Variants in SLC6A16 observed in about 807,000 individuals in gnomAD.
SLC6A16 encodes orphan sodium- and chloride-dependent neurotransmitter transporter NTT5.
A neutral mutation model predicts 65.4 loss-of-function variants in SLC6A16; 54 were observed. That is an observed-to-expected ratio of 0.83 (90% CI 0.66 to 1.04). The LOEUF (loss-of-function observed/expected upper bound fraction) is 1.04, where lower values mean the gene tolerates loss of function less well. Ranked by LOEUF, SLC6A16 falls within the 50% of genes least tolerant of loss-of-function variation. The pLI is 0.00. For synonymous variants in SLC6A16, 330 were observed against 346.5 expected (o/e 0.95, Z 0.53); for missense variants, 816 against 914.0 (o/e 0.89, Z 1.38).
In SLC6A16 at chr19:49,311,368, C is replaced by A. The variant is rs780251554; in HGVS notation, c.-21G>T. ...TTCATCTCACACAGACTCTCTGGGG[C>A]AGCTCCCGCTTCTGCAAGGGAGGGT... On this transcript the variant is annotated 5_prime_UTR_variant, in exon 2 of 12. Coordinates refer to ENST00000335875, the MANE Select transcript of SLC6A16 (RefSeq NM_014037.3). The A allele has an allele frequency of 1.3e-6, 2 of 1,537,806 alleles. No individual in the cohort carries two copies. The highest frequency in any genetic ancestry group is 2.3e-5 in the East Asian group (1 of 44,220).
At chr19:49,337,271 A>G in the SLC6A16 span, 4 of 1,559,224 alleles carry the variant, frequency 2.6e-6, no homozygotes, top group South Asian at 4.4e-5. Flanking sequence ...GAGGAGAGGG[A>G]AGGGAGTGGT....
Position 49,310,455 on chromosome 19 carries a change from G to C in SLC6A16, c.471C>G (p.Leu157=). 1 of 1,614,160 alleles carries C rather than the reference G, an allele frequency of 6.2e-7. No homozygotes were observed. The highest frequency in any genetic ancestry group is 8.5e-7 in the Non-Finnish European group (1 of 1,180,020). The change falls in exon 3 of 12, where the codon CTC becomes CTG. Residue 157 remains leucine, a synonymous_variant. Transcript: ENST00000335875. ...FMLFLVGVPL[L]FLEMAAGQSM... ...TCTGACCAGCTGCCATCTCCAGGAA[G>C]AGAAGAGGAACCCCGACCAGGAACA... is the stretch of plus-strand genomic sequence containing the variant.
chr19:49,339,829 C>T, the SLC6A16 span: 3 of 1,337,752 alleles, frequency 2.2e-6, no homozygotes, highest in Non-Finnish European at 2.9e-6. The surrounding 1 kb of genome is among the most constrained non-coding windows in gnomAD (Gnocchi z 4.5). Flanking sequence ...GGGTGCCTGC[C>T]CCAACTGGGG....
intron 7 of SLC6A16, among the ~76,000 whole-genome samples, chr19:49,295,428 C>T (rs1970168341): frequency 6.6e-6 from 1 of 151,802 alleles, no homozygotes; most frequent in Non-Finnish European, 1.5e-5. Context: ...CAATGGACAG[C>T]TTGCCAAGGT....
chr19:49,338,866 G>A, the SLC6A16 span: 1 of 1,614,130 alleles, frequency 6.2e-7, no homozygotes, highest in East Asian at 2.2e-5. The surrounding 1 kb of genome is among the most constrained non-coding windows in gnomAD (Gnocchi z 5.0). Context: ...AGCAGGCTTG[G>A]ACACCTGGCG....
intron 1 of SLC6A16, among the ~76,000 whole-genome samples, chr19:49,324,213 C>A (rs1970761549): frequency 6.6e-6 from 1 of 152,050 alleles, no homozygotes; most frequent in African/African-American, 2.4e-5. Flanking sequence ...CGCCTATAGT[C>A]CCAGCTACTT....
Position 49,317,760 on chromosome 19 carries a change from C to T in SLC6A16, c.-64-6349G>A, listed in dbSNP as rs111827504. On this transcript the variant is annotated intron_variant, in intron 1 of 11. Transcript: ENST00000335875. ...GGTGGGGCTTGCAGTGAGCAGAGAT[C>T]GCACCACTGCACTCCAGCCAGGGCA... Among the ~76,000 whole-genome samples, 1,272 of 151,238 alleles carry T rather than the reference C, an allele frequency of 8.4e-3. 17 individuals carry two copies. The highest frequency in any genetic ancestry group is 0.029 in the African/African-American group (1,186 of 41,156).
chr19:49,307,467 T>C (rs1970413696), intron 7 of SLC6A16, among the ~76,000 whole-genome samples: 1 of 151,988 alleles, frequency 6.6e-6, no homozygotes, highest in Non-Finnish European at 1.5e-5. Context: ...TCAAGAACTC[T>C]TGCACACGCA....
At chr19:49,336,587 C>G in the SLC6A16 span, 6 of 252,468 alleles carry the variant, frequency 2.4e-5, no homozygotes, top group Non-Finnish European at 4.6e-5. Flanking sequence ...TAGATATCAT[C>G]TCCTATGCCT....
chr19:49,308,812 G>T (rs772627748), intron 7 of SLC6A16, 64 bp downstream of exon 7: 14 of 1,598,816 alleles, frequency 8.8e-6, no homozygotes, highest in South Asian at 1.1e-5. Flanking sequence ...CACCTTTAAG[G>T]TTAGGGTCTC....
chr19:49,336,723 G>A, the SLC6A16 span: 1 of 591,454 alleles, frequency 1.7e-6, no homozygotes, highest in Non-Finnish European at 3.0e-6. Context: ...TCCAGGGACG[G>A]GAAACAGGCC....
At chr19:49,338,181 G>A in the SLC6A16 span, 14 of 1,443,498 alleles carry the variant, frequency 9.7e-6, no homozygotes, top group Non-Finnish European at 1.3e-5. This position sits in a 1 kb window ranked among gnomAD's most constrained non-coding sequence, Gnocchi z 5.0. Flanking sequence ...CTCCCCAGAT[G>A]ACACAACTGT....
intron 1 of SLC6A16, among the ~76,000 whole-genome samples, chr19:49,317,523 T>C (rs1970632619): frequency 6.6e-6 from 1 of 151,956 alleles, no homozygotes; most frequent in African/African-American, 2.4e-5. Flanking sequence ...ACTGTACAAA[T>C]AGGCCAGGCG....
At position 49,311,009 on chromosome 19, in the gene SLC6A16, A is replaced by G. The variant is rs949798382; in HGVS notation, c.339T>C (p.Ile113=). 3 of 1,614,208 alleles carry G rather than the reference A, an allele frequency of 1.9e-6. No homozygotes were observed. In the Admixed American group the frequency reaches 5.0e-5, roughly 27 times the overall value. ...TCATAGAGAAGCCCACCTGAGCCAG[A>G]ATATACTCAGTTTTGCTGGACCAGA... ...RPFWSSKTEY[I]LAQVGFSMKP... is the part of the protein sequence containing the mutation. The change falls in exon 2 of 12, where the codon ATT becomes ATC. Residue 113 remains isoleucine, a synonymous_variant. Coordinates refer to ENST00000335875, the MANE Select transcript of SLC6A16 (RefSeq NM_014037.3).
At chr19:49,308,691 GA>G (rs1401851523) in intron 7 of SLC6A16, 184 bp downstream of exon 7, 2 of 689,862 alleles carry the variant, frequency 2.9e-6, no homozygotes, top group Non-Finnish European at 5.0e-6. Context: ...AAGGCTCTGA[GA>G]AGGATAATAT....
chr19:49,338,805 T>C, the SLC6A16 span: 2 of 1,613,736 alleles, frequency 1.2e-6, no homozygotes, highest in Non-Finnish European at 1.7e-6. The surrounding 1 kb of genome is among the most constrained non-coding windows in gnomAD (Gnocchi z 5.0). Flanking sequence ...CTACAACTTG[T>C]CGGCGACCAA....
At chr19:49,322,846 T>C (rs1970736678) in intron 1 of SLC6A16, among the ~76,000 whole-genome samples, 1 of 130,928 alleles carries the variant, frequency 7.6e-6, no homozygotes, top group African/African-American at 2.8e-5. Context: ...TTTTTTTTTT[T>C]TTTTTTTTTT....
chr19:49,328,586 G>C (rs186328655), upstream of SLC6A16, among the ~76,000 whole-genome samples: 40 of 152,276 alleles, frequency 2.6e-4, no homozygotes, highest in African/African-American at 8.2e-4. Flanking sequence ...TCAAATTCTG[G>C]ATCTATTTCA....
intron 1 of SLC6A16, among the ~76,000 whole-genome samples, chr19:49,315,530 T>C (rs1970601206): frequency 1.3e-5 from 2 of 152,202 alleles, no homozygotes; most frequent in Non-Finnish European, 2.9e-5. Flanking sequence ...TGGTGGCTCA[T>C]GCCTGTAATC....
Sources: allele counts gnomAD v4.1 joint callset (sites outside exome capture counted in the v4.1 genomes callset), GRCh38; gene constraint gnomAD v4.1.1; non-coding constraint Gnocchi (gnomAD v3.1); transcripts MANE v1.5; gene names NCBI Gene and HGNC (gene_info 2026-07-23, HGNC 2026-07-21).